The following MAF variants were observed in gnomAD, a reference collection of about 807,000 sequenced individuals.
MAF encodes transcription factor Maf.
A neutral mutation model predicts 22.0 loss-of-function variants in MAF; 10 were observed. The observed-to-expected ratio is 0.45, with a 90% confidence interval of 0.28 to 0.77. MAF has a LOEUF of 0.77. MAF is among the 30% of genes least tolerant of loss of function. The probability of loss-of-function intolerance (pLI) is 0.12; values close to 1 mark genes in which losing one functional copy is unlikely to be tolerated. For missense variants in MAF, 544 were observed against 548.4 expected (o/e 0.99, Z 0.08); for synonymous variants, 337 against 255.8 (o/e 1.32, Z -3.03).
chr16:79,596,415 T>G, intron 1 of MAF: 1 of 1,057,112 alleles, frequency 9.5e-7, no homozygotes, highest in Non-Finnish European at 1.1e-6. Flanking sequence ...AAAGGATGCA[T>G]TTTACACTTT....
the MAF span, among the ~76,000 whole-genome samples, chr16:79,333,564 C>T: frequency 6.6e-6 from 1 of 152,060 alleles, no homozygotes; most frequent in Non-Finnish European, 1.5e-5. Context: ...GCTAGGTGGA[C>T]AAAAAGGCAG....
chr16:79,526,086 C>G, the MAF span, among the ~76,000 whole-genome samples: 14 of 152,250 alleles, frequency 9.2e-5, no homozygotes, highest in African/African-American at 3.1e-4. Flanking sequence ...CCATGGACCC[C>G]CATGAATCTT....
the MAF span, among the ~76,000 whole-genome samples, chr16:79,319,270 A>G: frequency 2.0e-5 from 3 of 152,256 alleles, no homozygotes; most frequent in Non-Finnish European, 2.9e-5. Context: ...AACAATGGCT[A>G]ATTAAGATGA....
chr16:79,511,801 A>G, the MAF span, among the ~76,000 whole-genome samples: 1 of 152,222 alleles, frequency 6.6e-6, no homozygotes, highest in Non-Finnish European at 1.5e-5. Context: ...AGGGTCACAC[A>G]TCTCACACTA....
chr16:79,506,662 A>G, the MAF span, among the ~76,000 whole-genome samples: 4 of 152,126 alleles, frequency 2.6e-5, no homozygotes, highest in African/African-American at 9.7e-5. Flanking sequence ...GGCTGGATGG[A>G]ACTGTGTTGA....
chr16:79,348,392 T>C, the MAF span, among the ~76,000 whole-genome samples: 1 of 152,258 alleles, frequency 6.6e-6, no homozygotes, highest in African/African-American at 2.4e-5. Flanking sequence ...CAGCCTCTTC[T>C]GTCTCTTTAA....
At chr16:79,555,956 T>C in the MAF span, among the ~76,000 whole-genome samples, 2 of 152,204 alleles carry the variant, frequency 1.3e-5, no homozygotes, top group Non-Finnish European at 2.9e-5. Flanking sequence ...TAAAATACAG[T>C]AAAATCACTA....
chr16:79,226,398 G>C, the MAF span, among the ~76,000 whole-genome samples: 4 of 152,212 alleles, frequency 2.6e-5, no homozygotes, highest in East Asian at 1.9e-4. Flanking sequence ...TGTTAGGGGA[G>C]GGATAGCATT....
the MAF span, among the ~76,000 whole-genome samples, chr16:79,484,405 T>A: frequency 1.3e-5 from 2 of 152,160 alleles, no homozygotes; most frequent in Non-Finnish European, 2.9e-5. Flanking sequence ...GCAGAGCCAG[T>A]GTATCTGCAG....
At chr16:79,598,267 A>G (rs550315389) in intron 1 of MAF, 6 of 1,070,496 alleles carry the variant, frequency 5.6e-6, no homozygotes, top group Non-Finnish European at 4.5e-6. Context: ...GTAAAATTAA[A>G]AAAAAAAATC....
chr16:79,267,840 A>T, the MAF span, among the ~76,000 whole-genome samples: 2 of 151,990 alleles, frequency 1.3e-5, no homozygotes, highest in African/African-American at 4.8e-5. Flanking sequence ...CCTAAGTGAC[A>T]GATTATTTCT....
Position 79,599,944 on chromosome 16 carries a change from T to G in MAF, c.-42A>C, listed in dbSNP as rs1175924776. 6.3e-7 allele frequency: 1 copy of G among 1,597,732 alleles called. No individual in the cohort carries two copies. Among genetic ancestry groups the G allele is most frequent in the East Asian group, 2.2e-5 (1 of 44,804 alleles). ...CCGCCGCCGCCGCCGCTCCGCCAGA[T>G]GGGCTGCAGGAGAGGGGCCAGCGGG... On this transcript the variant is annotated 5_prime_UTR_variant, in exon 1 of 2. Transcript: ENST00000326043.
At chr16:79,417,442 C>T in the MAF span, among the ~76,000 whole-genome samples, 1 of 152,336 alleles carries the variant, frequency 6.6e-6, no homozygotes, top group South Asian at 2.1e-4. Context: ...TCTCCCTCTC[C>T]CAGCCGGTTT....
At chr16:79,289,204 G>C in the MAF span, among the ~76,000 whole-genome samples, 3 of 152,162 alleles carry the variant, frequency 2.0e-5, no homozygotes, top group African/African-American at 7.2e-5. Context: ...GGAGTGGCAC[G>C]GTGTGACTGG....
the MAF span, among the ~76,000 whole-genome samples, chr16:79,435,582 T>C: frequency 1.1e-4 from 16 of 152,184 alleles, no homozygotes; most frequent in African/African-American, 3.9e-4. Context: ...AAGGGGAAAC[T>C]GAGGCTCAGG....
the MAF span, among the ~76,000 whole-genome samples, chr16:79,295,558 A>C: frequency 6.6e-6 from 1 of 152,258 alleles, no homozygotes; most frequent in Admixed American, 6.5e-5. Context: ...CACTTGTTAT[A>C]GTTCATGATG....
At chr16:79,552,281 A>G in the MAF span, among the ~76,000 whole-genome samples, 610 of 151,606 alleles carry the variant, frequency 4.0e-3, 6 homozygotes, top group African/African-American at 0.014. Context: ...TTCAGCAACC[A>G]TGGCTCACCG....
the MAF span, among the ~76,000 whole-genome samples, chr16:79,493,512 C>T: frequency 1.3e-5 from 2 of 152,084 alleles, no homozygotes; most frequent in Admixed American, 6.6e-5. Context: ...ACAGGTTTTA[C>T]CATGTTGGCC....
chr16:79,462,745 G>C, the MAF span, among the ~76,000 whole-genome samples: 1 of 152,152 alleles, frequency 6.6e-6, no homozygotes, highest in Admixed American at 6.6e-5. Flanking sequence ...CTGGCCTTTG[G>C]ACCTATACCT....
Sources: allele counts gnomAD v4.1 joint callset (sites outside exome capture counted in the v4.1 genomes callset), GRCh38; gene constraint gnomAD v4.1.1; transcripts MANE v1.5; gene names NCBI Gene and HGNC (gene_info 2026-07-23, HGNC 2026-07-21).